Variants in GALNT7 observed in about 807,000 individuals in gnomAD.
The protein encoded by GALNT7 is N-acetylgalactosaminyltransferase 7.
GALNT7 carries 60 observed loss-of-function variants against 82.1 expected under a neutral mutation model. That is an observed-to-expected ratio of 0.73 (90% CI 0.59 to 0.91). GALNT7 has a LOEUF of 0.91. GALNT7 is among the 40% of genes least tolerant of loss of function. The pLI, the probability that GALNT7 is intolerant of heterozygous loss-of-function variation, is 0.00. For missense variants in GALNT7, 660 were observed against 804.2 expected (o/e 0.82, Z 2.17); for synonymous variants, 243 against 275.1 (o/e 0.88, Z 1.15).
intron 1 of GALNT7, among the ~76,000 whole-genome samples, chr4:173,241,223 A>AAAAAAAG: frequency 6.8e-6 from 1 of 146,704 alleles, no homozygotes; most frequent in Non-Finnish European, 1.5e-5. Context: ...AAAAAAAAAA[A>AAAAAAAG]AAGAAAGAAA....
chr4:173,212,875 C>G (rs1733327323), intron 1 of GALNT7, among the ~76,000 whole-genome samples: 1 of 151,952 alleles, frequency 6.6e-6, no homozygotes, highest in Non-Finnish European at 1.5e-5. Context: ...AAATAGGTTC[C>G]TTCAAGCTGA....
At chr4:173,172,438 C>T (rs1438731157) in intron 1 of GALNT7, among the ~76,000 whole-genome samples, 1 of 152,254 alleles carries the variant, frequency 6.6e-6, no homozygotes, top group Non-Finnish European at 1.5e-5. Flanking sequence ...ACTTGCCCAA[C>T]TCCTGAGATC....
At chr4:173,282,977 G>A (rs762546978) in intron 2 of GALNT7, among the ~76,000 whole-genome samples, 1 of 152,170 alleles carries the variant, frequency 6.6e-6, no homozygotes, top group Non-Finnish European at 1.5e-5. Flanking sequence ...TAATTGCCCA[G>A]AACTAGAATA....
chr4:173,251,131 C>G (rs1274730457), intron 2 of GALNT7, among the ~76,000 whole-genome samples: 1 of 152,206 alleles, frequency 6.6e-6, no homozygotes, highest in Non-Finnish European at 1.5e-5. Context: ...CAAGTAGGAA[C>G]TCAGTAGTAG....
At chr4:173,303,757 G>A (rs1403478990) in intron 7 of GALNT7, among the ~76,000 whole-genome samples, 1 of 152,200 alleles carries the variant, frequency 6.6e-6, no homozygotes, top group Non-Finnish European at 1.5e-5. Flanking sequence ...TAGGGGCTAT[G>A]AGTACACAGT....
intron 2 of GALNT7, among the ~76,000 whole-genome samples, chr4:173,249,903 C>T (rs1734790296): frequency 6.6e-6 from 1 of 152,188 alleles, no homozygotes; most frequent in South Asian, 2.1e-4. Flanking sequence ...CAGTTATCCT[C>T]AGTGCAGCAC....
chr4:173,201,123 G>A (rs1488718173), intron 1 of GALNT7, among the ~76,000 whole-genome samples: 1 of 152,102 alleles, frequency 6.6e-6, no homozygotes, highest in Non-Finnish European at 1.5e-5. Context: ...GTAATTCCAA[G>A]CCAATATTTT....
At chr4:173,280,979 G>C (rs549476041) in intron 2 of GALNT7, among the ~76,000 whole-genome samples, 1 of 152,308 alleles carries the variant, frequency 6.6e-6, no homozygotes, top group South Asian at 2.1e-4. Flanking sequence ...ATTGAAGGTA[G>C]CTCAATTTGT....
chr4:173,300,176 G>A (rs78990048), intron 6 of GALNT7, among the ~76,000 whole-genome samples: 5,134 of 152,162 alleles, frequency 0.034, 282 homozygotes, highest in African/African-American at 0.12. Flanking sequence ...ACAGATAACT[G>A]CATAAATAAC....
intron 2 of GALNT7, among the ~76,000 whole-genome samples, chr4:173,266,134 G>A (rs1294952178): frequency 3.9e-5 from 6 of 152,122 alleles, no homozygotes; most frequent in Non-Finnish European, 8.8e-5. Context: ...GTGGCGTGCG[G>A]CCATGATCCC....
At chr4:173,196,125 GA>G (rs1732766239) in intron 1 of GALNT7, among the ~76,000 whole-genome samples, 1 of 144,552 alleles carries the variant, frequency 6.9e-6, no homozygotes, top group Admixed American at 7.4e-5. Context: ...TTTTAAGTTG[GA>G]ATTTTTTTTT....
chr4:173,282,542 T>G (rs562899957), intron 2 of GALNT7: 26 of 152,326 alleles, frequency 1.7e-4, no homozygotes, highest in Admixed American at 9.8e-4. Flanking sequence ...GAACTCTAAC[T>G]GCTGTTAGGG....
chr4:173,297,535 A>G (rs1030458268), intron 5 of GALNT7, among the ~76,000 whole-genome samples: 1 of 152,252 alleles, frequency 6.6e-6, no homozygotes, highest in African/African-American at 2.4e-5. Context: ...AGCGAAAAGG[A>G]GAAAACTCTA....
intron 6 of GALNT7, among the ~76,000 whole-genome samples, chr4:173,300,084 C>CA (rs1180231238): frequency 1.3e-5 from 2 of 152,124 alleles, no homozygotes; most frequent in African/African-American, 4.8e-5. Flanking sequence ...TACTGTATGC[C>CA]AAGCACTGTT....
intron 1 of GALNT7, among the ~76,000 whole-genome samples, chr4:173,198,183 C>T (rs1396255599): frequency 6.6e-6 from 1 of 151,484 alleles, no homozygotes; most frequent in Admixed American, 6.6e-5. Flanking sequence ...CCTCAGCCTC[C>T]CAAGTAGCTG....
chr4:173,197,406 C>T (rs1020448979), intron 1 of GALNT7, among the ~76,000 whole-genome samples: 8 of 152,116 alleles, frequency 5.3e-5, no homozygotes, highest in Non-Finnish European at 1.5e-5. Context: ...CTAGAGTGGA[C>T]TTTTATGATA....
intron 1 of GALNT7, among the ~76,000 whole-genome samples, 159 bp from the exon 2 acceptor site, chr4:173,247,821 A>ATATC (rs1372135947): frequency 6.6e-6 from 1 of 152,204 alleles, no homozygotes; most frequent in African/African-American, 2.4e-5. Flanking sequence ...ACCCTGAAAG[A>ATATC]TATCTCCTAA....
At chr4:173,196,127 ATT>A (rs35060535) in intron 1 of GALNT7, among the ~76,000 whole-genome samples, 1 of 145,954 alleles carries the variant, frequency 6.9e-6, no homozygotes. Context: ...TTAAGTTGGA[ATT>A]TTTTTTTTTT....
At chr4:173,173,576 C>T (rs147258131) in intron 1 of GALNT7, among the ~76,000 whole-genome samples, 1 of 152,098 alleles carries the variant, frequency 6.6e-6, no homozygotes, top group Non-Finnish European at 1.5e-5. Flanking sequence ...TGAAACTGTT[C>T]CGCCTCAGAT....
Sources: allele counts gnomAD v4.1 joint callset (sites outside exome capture counted in the v4.1 genomes callset), GRCh38; gene constraint gnomAD v4.1.1; transcripts MANE v1.5; gene names NCBI Gene and HGNC (gene_info 2026-07-23, HGNC 2026-07-21).